TMEM74: variants seen among roughly 807,000 people sequenced by gnomAD.
TMEM74 encodes the protein transmembrane protein 74.
Under a neutral mutation model 18.1 loss-of-function variants are expected in TMEM74, and 13 were observed. The observed-to-expected ratio is 0.72, with a 90% CI of 0.47 to 1.14. TMEM74 has a LOEUF of 1.14. Ranked by LOEUF, TMEM74 falls within the 50% of genes most tolerant of loss-of-function variation. The probability of loss-of-function intolerance (pLI) is 0.00; values close to 1 mark genes in which losing one functional copy is unlikely to be tolerated. For missense variants in TMEM74, 372 were observed against 375.9 expected (o/e 0.99, Z 0.09); for synonymous variants, 159 against 146.6 (o/e 1.08, Z -0.61).
chr8:108,784,842 A>C lies in TMEM74; in HGVS notation c.257T>G (p.Leu86Arg), dbSNP rs762528924. 1.9e-6 allele frequency: 3 copies of C among 1,614,194 alleles called. No individual in the cohort carries two copies. The highest frequency in any genetic ancestry group is 2.2e-5 in the South Asian group (2 of 91,078). Residue 86 changes from leucine to arginine, a missense_variant, in exon 2 of 2, where the codon CTC becomes CGC. By Grantham distance (102) the Leu-to-Arg change is moderately radical. Transcript: ENST00000297459. ...TGTTATTTGGTTGTTCCCTGAGTGG[A>C]GAAGTCCTGGTGGAAAGGCATCTGG... is the stretch of plus-strand genomic sequence containing the variant. ...LQPDAFPPGL[L>R]HSGNNQITAE... is the part of the protein sequence containing the mutation.
chr8:108,752,210 C>A (rs1813911216), intron 1 of TMEM74, among the ~76,000 whole-genome samples: 1 of 152,134 alleles, frequency 6.6e-6, no homozygotes, highest in Non-Finnish European at 1.5e-5. Context: ...CCTGGTTCCA[C>A]TACTTGCCAG....
At chr8:108,751,153 G>A (rs1267016284) in intron 1 of TMEM74, among the ~76,000 whole-genome samples, 1 of 152,000 alleles carries the variant, frequency 6.6e-6, no homozygotes, top group Admixed American at 6.6e-5. Flanking sequence ...TATTCCTTAT[G>A]GTATATGAAC....
At chr8:108,704,007 CA>C (rs2130617603) in intron 1 of TMEM74, among the ~76,000 whole-genome samples, 1 of 152,268 alleles carries the variant, frequency 6.6e-6, no homozygotes, top group East Asian at 1.9e-4. Context: ...GGAATATTGG[CA>C]GAAGTATAAG....
At chr8:108,725,190 C>T (rs529114365) in intron 1 of TMEM74, among the ~76,000 whole-genome samples, 126 of 152,346 alleles carry the variant, frequency 8.3e-4, no homozygotes, top group South Asian at 5.4e-3. Flanking sequence ...TTAACCTTCT[C>T]TGGTTGCCTA....
At chr8:108,610,054 C>A (rs73316179) in intron 2 of TMEM74, among the ~76,000 whole-genome samples, 7,996 of 152,212 alleles carry the variant, frequency 0.053, 518 homozygotes, top group African/African-American at 0.15. Context: ...CTGAAAAGAT[C>A]ATTAAAAATA....
At chr8:108,689,854 T>C (rs1302328159) in intron 1 of TMEM74, among the ~76,000 whole-genome samples, 2 of 152,164 alleles carry the variant, frequency 1.3e-5, no homozygotes, top group African/African-American at 4.8e-5. Flanking sequence ...GTTGGTGTTG[T>C]TCTTCCCACT....
intron 2 of TMEM74, among the ~76,000 whole-genome samples, chr8:108,642,092 A>T (rs1234799804): frequency 1.4e-5 from 2 of 146,092 alleles, no homozygotes; most frequent in East Asian, 4.1e-4. Flanking sequence ...ATACAAAAAC[A>T]GATTTAGGAA....
chr8:108,640,884 T>G (rs1017754777), intron 2 of TMEM74, among the ~76,000 whole-genome samples: 10 of 152,154 alleles, frequency 6.6e-5, no homozygotes, highest in African/African-American at 2.2e-4. Context: ...GGGATGCTAT[T>G]AACAACTCTT....
Position 108,624,402 on chromosome 8 carries a change from T to C in TMEM74, n.265-15576A>G, listed in dbSNP as rs544220370. 3.3e-5 allele frequency among the ~76,000 whole-genome samples: 5 copies of C among 152,182 alleles called. No homozygotes were observed. In the East Asian group the frequency reaches 5.8e-4, roughly 18 times the overall value. ...CACATTAATACCTTTGCTTATATTA[T>C]TCCTCTCTTCCTTAAGTATAAAAAT... is the stretch of plus-strand genomic sequence containing the variant. On this transcript the variant is annotated intron_variant and non_coding_transcript_variant, in intron 2 of 3. Coordinates refer to the TMEM74 transcript ENST00000518838.
At chr8:108,761,919 T>C (rs1323673118) in intron 1 of TMEM74, among the ~76,000 whole-genome samples, 3 of 152,344 alleles carry the variant, frequency 2.0e-5, no homozygotes, top group South Asian at 2.1e-4. Flanking sequence ...GCCACAGGGC[T>C]TGGAGCCCTC....
intron 1 of TMEM74, among the ~76,000 whole-genome samples, chr8:108,737,544 C>G (rs772565894): frequency 2.9e-4 from 44 of 152,164 alleles, no homozygotes; most frequent in Admixed American, 8.5e-4. Flanking sequence ...CATTTTCTAT[C>G]AAAGGTAGTC....
chr8:108,680,948 CCAACTTA>C (rs1813107661), intron 1 of TMEM74, among the ~76,000 whole-genome samples: 2 of 152,210 alleles, frequency 1.3e-5, no homozygotes, highest in South Asian at 4.1e-4. Flanking sequence ...ACCTAGGAAT[CCAACTTA>C]CAAGGGATGT....
chr8:108,727,132 G>A (rs1813646665), intron 1 of TMEM74, among the ~76,000 whole-genome samples: 1 of 152,166 alleles, frequency 6.6e-6, no homozygotes, highest in Non-Finnish European at 1.5e-5. Context: ...AGATAGGAGA[G>A]GAGAGAGGAT....
At chr8:108,669,267 C>T (rs1220419283) in intron 1 of TMEM74, among the ~76,000 whole-genome samples, 1 of 152,154 alleles carries the variant, frequency 6.6e-6, no homozygotes, top group African/African-American at 2.4e-5. Flanking sequence ...CTGCCTAAGA[C>T]TTTGCCAAAG....
chr8:108,742,758 C>A (rs1813814258), intron 1 of TMEM74, among the ~76,000 whole-genome samples: 1 of 129,588 alleles, frequency 7.7e-6, no homozygotes, highest in African/African-American at 3.0e-5. Context: ...GCTGCTTTGG[C>A]TCTCTGAGAA....
chr8:108,630,741 T>A (rs1812542943), intron 2 of TMEM74, among the ~76,000 whole-genome samples: 3 of 151,918 alleles, frequency 2.0e-5, no homozygotes, highest in Admixed American at 2.0e-4. Flanking sequence ...GGGTAAATAA[T>A]GAAATTAAGG....
intron 2 of TMEM74, among the ~76,000 whole-genome samples, chr8:108,620,618 A>G (rs1052916627): frequency 4.6e-5 from 7 of 152,134 alleles, no homozygotes; most frequent in Admixed American, 3.9e-4. Flanking sequence ...TCAGGTCTGT[A>G]TGTTTCCAGG....
At chr8:108,616,400 G>T (rs1401009238) in intron 2 of TMEM74, among the ~76,000 whole-genome samples, 1 of 152,150 alleles carries the variant, frequency 6.6e-6, no homozygotes, top group East Asian at 1.9e-4. Context: ...AATCTGCATT[G>T]TAGAATCCCA....
chr8:108,754,643 G>GTAGGTAGGTAGGTAGGTAGCTAGGTAGC (rs1209508600), intron 1 of TMEM74, among the ~76,000 whole-genome samples: 16 of 139,726 alleles, frequency 1.1e-4, no homozygotes, highest in African/African-American at 4.1e-4. Context: ...GGATGGATAG[G>GTAGGTAGGTAGGTAGGTAGCTAGGTAGC]TAGGTAGGTA....
Sources: allele counts gnomAD v4.1 joint callset (sites outside exome capture counted in the v4.1 genomes callset), GRCh38; gene constraint gnomAD v4.1.1; transcripts MANE v1.5; gene names NCBI Gene and HGNC (gene_info 2026-07-23, HGNC 2026-07-21).